The following MMP16 variants were observed in gnomAD, a reference collection of about 807,000 sequenced individuals.
MMP16 encodes the protein matrix metallopeptidase 16, also known as matrix metalloproteinase-16.
In MMP16, 12 loss-of-function variants were observed where a neutral mutation model predicts 67.8. The observed-to-expected ratio is 0.18, with a 90% CI of 0.11 to 0.29. The LOEUF (loss-of-function observed/expected upper bound fraction) is 0.29, where lower values mean the gene tolerates loss of function less well. MMP16 is among the 10% of genes least tolerant of loss of function. The probability of loss-of-function intolerance (pLI) is 1.00; values close to 1 mark genes in which losing one functional copy is unlikely to be tolerated. For missense variants in MMP16, 475 were observed against 765.7 expected, an observed-to-expected ratio of 0.62 and a Z score of 4.48; for synonymous variants, 249 against 255.9, an observed-to-expected ratio of 0.97 and a Z score of 0.26.
At chr8:88,096,855 C>T (rs1809036729) in intron 6 of MMP16, among the ~76,000 whole-genome samples, 1 of 151,940 alleles carries the variant, frequency 6.6e-6, no homozygotes, top group Non-Finnish European at 1.5e-5. Context: ...CGCGAGAAAA[C>T]ACCCTAACGT....
chr8:88,130,804 G>A (rs1460392493), intron 4 of MMP16, among the ~76,000 whole-genome samples: 2 of 151,062 alleles, frequency 1.3e-5, no homozygotes, highest in South Asian at 2.1e-4. Context: ...TGTAAGTAGA[G>A]CAATGAATAA....
At chr8:88,047,279 C>A (rs751025532) in intron 8 of MMP16, among the ~76,000 whole-genome samples, 1 of 151,936 alleles carries the variant, frequency 6.6e-6, no homozygotes, top group Non-Finnish European at 1.5e-5. Flanking sequence ...ATGTTCCTGG[C>A]GTTATTATAG....
chr8:88,227,873 C>G (rs2129864531), intron 1 of MMP16, among the ~76,000 whole-genome samples: 1 of 151,982 alleles, frequency 6.6e-6, no homozygotes, highest in East Asian at 1.9e-4. Flanking sequence ...TACCCAGGAA[C>G]TTAAAAAACA....
intron 1 of MMP16, among the ~76,000 whole-genome samples, chr8:88,302,063 A>G (rs901506509): frequency 6.6e-6 from 1 of 152,208 alleles, no homozygotes; most frequent in African/African-American, 2.4e-5. Flanking sequence ...AGAACACTGG[A>G]AAGTCCCATT....
chr8:88,134,289 A>G (rs959993869), intron 4 of MMP16, among the ~76,000 whole-genome samples: 1 of 151,766 alleles, frequency 6.6e-6, no homozygotes, highest in Non-Finnish European at 1.5e-5. Flanking sequence ...AGATTATTAA[A>G]AGCATCTTTC....
At chr8:88,263,198 C>A (rs1275687988) in intron 1 of MMP16, among the ~76,000 whole-genome samples, 1 of 151,938 alleles carries the variant, frequency 6.6e-6, no homozygotes, top group Non-Finnish European at 1.5e-5. Context: ...TTTCTATTGT[C>A]TCAATGTGTG....
chr8:88,237,080 T>C (rs139850746), intron 1 of MMP16, among the ~76,000 whole-genome samples: 1 of 152,180 alleles, frequency 6.6e-6, no homozygotes, highest in Non-Finnish European at 1.5e-5. Context: ...TAATTGTAAA[T>C]GACCATATAA....
chr8:88,246,002 A>T (rs1372434593), intron 1 of MMP16, among the ~76,000 whole-genome samples: 2 of 152,196 alleles, frequency 1.3e-5, no homozygotes, highest in Non-Finnish European at 2.9e-5. Context: ...AAAGCAAGCA[A>T]GAAATTCTCT....
Position 88,041,591 on chromosome 8 carries a change from A to G in MMP16, c.1694T>C (p.Ile565Thr). 2.5e-6 allele frequency: 4 copies of G among 1,614,146 alleles called. No homozygotes were observed. The highest frequency in any genetic ancestry group is 3.4e-6 in the Non-Finnish European group (4 of 1,179,996). Residue 565 changes from isoleucine (I) to threonine (T), a missense_variant, in exon 10 of 10, where the codon ATA (isoleucine) becomes ACA (threonine). Ile to Thr is a moderately conservative substitution (Grantham distance 89, BLOSUM62 -1). Around this residue, in one of 5 missense-constraint regions of MMP16, gnomAD observed 80 missense variants for 93.4 expected, o/e 0.86. Coordinates refer to ENST00000286614, the MANE Select transcript of MMP16 (RefSeq NM_005941.5). This position sits in a 1 kb window ranked among gnomAD's most constrained non-coding sequence, Gnocchi z 6.0. ...LDNTASTVKA[I>T]AIVIPCILAL... ...CAAGATGCAGGGAATGACAATAGCT[A>G]TGGCTTTCACAGTGCTGGCTGTGTT... is the stretch of plus-strand genomic sequence containing the variant.
intron 1 of MMP16, among the ~76,000 whole-genome samples, chr8:88,302,193 T>C (rs1272038970): frequency 6.6e-6 from 1 of 152,182 alleles, no homozygotes; most frequent in Non-Finnish European, 1.5e-5. Context: ...GATCCTAGCA[T>C]GGAAAATAAT....
At chr8:88,322,400 T>C (rs1811473921) in intron 1 of MMP16, among the ~76,000 whole-genome samples, 1 of 152,234 alleles carries the variant, frequency 6.6e-6, no homozygotes, top group African/African-American at 2.4e-5. Flanking sequence ...CAGTACATTA[T>C]ATTTTTAATA....
chr8:88,273,302 G>A (rs1392432382), intron 1 of MMP16, among the ~76,000 whole-genome samples: 1 of 149,024 alleles, frequency 6.7e-6, no homozygotes, highest in Non-Finnish European at 1.5e-5. Flanking sequence ...ATGTTGCCAG[G>A]CTTGTCTTGA....
chr8:88,140,661 A>T (rs1008930283), intron 4 of MMP16, among the ~76,000 whole-genome samples: 2 of 152,184 alleles, frequency 1.3e-5, no homozygotes, highest in Admixed American at 1.3e-4. Context: ...TTGAATATAT[A>T]ACTAAGTTCT....
rs66508714 is a variant in MMP16, at chr8:88,263,989, T to A, written c.132+63086A>T. ...GAGAGAGAGAAAGAGAGAGAGAGAG[T>A]GTGTGTGTGTGTGTGTGTGTGCAAC... is the stretch of plus-strand genomic sequence containing the variant. On this transcript the variant is annotated intron_variant, in intron 1 of 9. Transcript: ENST00000286614. Among the ~76,000 whole-genome samples, 26 of 22,232 alleles carry A rather than the reference T, an allele frequency of 1.2e-3. 1 individual carries two copies. Among genetic ancestry groups the A allele is most frequent in the Admixed American group, 1.6e-3 (3 of 1,884 alleles). 14.6% of individuals were successfully genotyped at this position (22,232 alleles called of 152,430 possible).
chr8:88,128,461 T>C (rs1303796823), intron 4 of MMP16, among the ~76,000 whole-genome samples: 5 of 151,840 alleles, frequency 3.3e-5, no homozygotes, highest in Non-Finnish European at 2.9e-5. Flanking sequence ...TTCCTGACCA[T>C]AAGCTCCAGA....
intron 8 of MMP16, among the ~76,000 whole-genome samples, chr8:88,053,693 T>C (rs907220276): frequency 2.0e-5 from 3 of 152,204 alleles, no homozygotes; most frequent in African/African-American, 7.2e-5. Flanking sequence ...TCCGTCTAAG[T>C]TTTAAATCTA....
intron 1 of MMP16, among the ~76,000 whole-genome samples, chr8:88,296,394 A>G (rs958809520): frequency 6.6e-6 from 1 of 152,214 alleles, no homozygotes; most frequent in Non-Finnish European, 1.5e-5. Flanking sequence ...GAACACATCC[A>G]TCGCCTCATC....
intron 4 of MMP16, among the ~76,000 whole-genome samples, chr8:88,123,002 T>C (rs1807866086): frequency 6.6e-6 from 1 of 151,442 alleles, no homozygotes; most frequent in South Asian, 2.1e-4. Context: ...CCAACATGGA[T>C]ATCCATGAAA....
intron 1 of MMP16, among the ~76,000 whole-genome samples, chr8:88,220,973 G>A (rs377064934): frequency 7.2e-4 from 109 of 152,042 alleles, no homozygotes; most frequent in Non-Finnish European, 8.7e-4. Flanking sequence ...AGTTAAATTC[G>A]CAAGAATGCA....
Sources: allele counts gnomAD v4.1 joint callset (sites outside exome capture counted in the v4.1 genomes callset), GRCh38; gene constraint gnomAD v4.1.1; regional missense constraint gnomAD v4.1.1; non-coding constraint Gnocchi (gnomAD v3.1); transcripts MANE v1.5; gene names NCBI Gene and HGNC (gene_info 2026-07-23, HGNC 2026-07-21).